Variants in ITCH observed in about 807,000 individuals in gnomAD.
The protein encoded by ITCH is itchy E3 ubiquitin protein ligase, also known as E3 ubiquitin-protein ligase Itchy homolog.
In ITCH, 28 loss-of-function variants were observed where a neutral mutation model predicts 126.8. The observed-to-expected ratio is 0.22, with a 90% CI of 0.16 to 0.30. The LOEUF is 0.30. Ranked by LOEUF, ITCH falls within the 10% of genes least tolerant of loss-of-function variation. The probability of loss-of-function intolerance (pLI) is 1.00; values close to 1 mark genes in which losing one functional copy is unlikely to be tolerated. For missense variants in ITCH, 631 were observed against 1,032.4 expected (o/e 0.61, Z 5.33); for synonymous variants, 342 against 340.0 (o/e 1.01, Z -0.06).
At chr20:34,364,724 C>CAAAAAAAAAAAAAAAA (rs1171765663) in intron 1 of ITCH, among the ~76,000 whole-genome samples, 5 of 45,572 alleles carry the variant, frequency 1.1e-4, no homozygotes, top group African/African-American at 3.6e-4. Flanking sequence ...ACTAAAAATA[C>CAAAAAAAAAAAAAAAA]AAAAAAAAAA....
intron 6 of ITCH, among the ~76,000 whole-genome samples, chr20:34,419,562 A>G (rs2146202811): frequency 6.6e-6 from 1 of 151,474 alleles, no homozygotes; most frequent in African/African-American, 2.4e-5. Flanking sequence ...GCTCACTGCA[A>G]CCTCCTTCCG....
intron 2 of ITCH, among the ~76,000 whole-genome samples, chr20:34,386,058 T>TA (rs2146041906): frequency 6.6e-6 from 1 of 152,282 alleles, no homozygotes; most frequent in Admixed American, 6.5e-5. Flanking sequence ...CTTCTACCAA[T>TA]ACCTTCAGTA....
rs542878306 is a variant in ITCH, at chr20:34,499,935, C to G, written c.2417-4396C>G. 8.5e-5 allele frequency among the ~76,000 whole-genome samples: 13 copies of G among 152,076 alleles called. No individual in the cohort carries two copies. In the East Asian group the frequency reaches 2.3e-3, roughly 27 times the overall value. ...TTTTTAAATTTCCTTTTACATTTCCCCATTGGTCATTCTGGAGCACGTTTA... is the reference window on the plus strand; with the variant it reads ...TTTTTAAATTTCCTTTTACATTTCCGCATTGGTCATTCTGGAGCACGTTTA... On this transcript the variant is annotated intron_variant, in intron 23 of 24. Coordinates refer to ENST00000374864, the MANE Select transcript of ITCH (RefSeq NM_031483.7).
intron 16 of ITCH, chr20:34,475,845 C>T (rs1988165261): frequency 2.6e-6 from 2 of 779,364 alleles, no homozygotes; most frequent in East Asian, 2.7e-5. Flanking sequence ...ATCCACTCAT[C>T]CATGTACTCA....
chr20:34,479,241 C>T (rs1473532720), intron 17 of ITCH, among the ~76,000 whole-genome samples: 1 of 152,154 alleles, frequency 6.6e-6, no homozygotes, highest in African/African-American at 2.4e-5. Flanking sequence ...ACTTTACTCA[C>T]ATGGGTAAAT....
rs1990488421 is a variant in ITCH, at chr20:34,504,413, A to G, written c.2489+10A>G. On this transcript the variant is annotated intron_variant, in intron 24 of 24. Coordinates refer to ENST00000374864, the MANE Select transcript of ITCH (RefSeq NM_031483.7). ...CCAGAAGTCATACCTGGTAAGTACAATCAGAATGGATAGAGAAAACAGCTT... is the reference window on the plus strand; with the variant it reads ...CCAGAAGTCATACCTGGTAAGTACAGTCAGAATGGATAGAGAAAACAGCTT... 1 of 1,561,560 alleles carries G rather than the reference A, an allele frequency of 6.4e-7. No homozygotes were observed. Among genetic ancestry groups the G allele is most frequent in the Admixed American group, 1.7e-5 (1 of 59,942 alleles).
At chr20:34,472,509 A>T (rs1342593410) in intron 16 of ITCH, among the ~76,000 whole-genome samples, 2 of 152,332 alleles carry the variant, frequency 1.3e-5, no homozygotes, top group East Asian at 1.9e-4. Context: ...TAGTGAAAAA[A>T]TGTCTTAAAA....
At chr20:34,459,056 A>G (rs2146362432) in intron 13 of ITCH, among the ~76,000 whole-genome samples, 1 of 152,298 alleles carries the variant, frequency 6.6e-6, no homozygotes, top group Middle Eastern at 3.4e-3. Context: ...CACTTCAGAC[A>G]TCAGCGACAA....
At chr20:34,363,529 C>T (rs1018209475) in intron 1 of ITCH, among the ~76,000 whole-genome samples, 180 bp downstream of exon 1, 1 of 152,092 alleles carries the variant, frequency 6.6e-6, no homozygotes, top group Non-Finnish European at 1.5e-5. Context: ...GGCTACTGGC[C>T]CGGGCCGGGC....
chr20:34,455,711 C>T (rs1294116021), intron 12 of ITCH, among the ~76,000 whole-genome samples: 1 of 151,198 alleles, frequency 6.6e-6, no homozygotes, highest in African/African-American at 2.4e-5. Context: ...CTCCTGAGCT[C>T]AGGCAGTCCG....
Position 34,491,504 on chromosome 20 carries a change from A to G in ITCH, c.2320-997A>G, listed in dbSNP as rs571368193. On this transcript the variant is annotated intron_variant, in intron 22 of 24. Coordinates refer to ENST00000374864, the MANE Select transcript of ITCH (RefSeq NM_031483.7). ...TTGCACAACAGTGTGAATGTACTTA[A>G]TGTCATTGAATTACACTCAAAATGG... 6.6e-5 allele frequency among the ~76,000 whole-genome samples: 10 copies of G among 152,326 alleles called. No individual in the cohort carries two copies. In the East Asian group the frequency reaches 1.9e-3, roughly 29 times the overall value.
At chr20:34,431,883 T>G (rs2146253743) in intron 7 of ITCH, among the ~76,000 whole-genome samples, 1 of 151,886 alleles carries the variant, frequency 6.6e-6, no homozygotes, top group South Asian at 2.1e-4. Flanking sequence ...CTACTAAAAA[T>G]ACAGAAAAAA....
intron 18 of ITCH, among the ~76,000 whole-genome samples, chr20:34,480,394 G>T (rs1447792603): frequency 6.6e-6 from 1 of 151,798 alleles, no homozygotes; most frequent in Non-Finnish European, 1.5e-5. Flanking sequence ...TAGAGATGGG[G>T]TTTCTCCATG....
intron 23 of ITCH, among the ~76,000 whole-genome samples, chr20:34,494,330 G>A (rs987908332): frequency 2.0e-5 from 3 of 152,192 alleles, no homozygotes; most frequent in African/African-American, 7.2e-5. Context: ...GAAGCAATTA[G>A]AAGGAATTTT....
chr20:34,422,879 C>G (rs1240299521), intron 6 of ITCH, among the ~76,000 whole-genome samples: 6 of 152,024 alleles, frequency 3.9e-5, no homozygotes, highest in African/African-American at 1.5e-4. Context: ...ACTGCAACCT[C>G]TGCCTCCCAG....
intron 6 of ITCH, chr20:34,417,232 G>C: frequency 3.1e-6 from 2 of 644,692 alleles, no homozygotes; most frequent in Non-Finnish European, 5.6e-6. Flanking sequence ...GAGTAGCTGG[G>C]TTTACAGGTA....
At chr20:34,443,547 T>C (rs1984047475) in intron 10 of ITCH, among the ~76,000 whole-genome samples, 1 of 152,116 alleles carries the variant, frequency 6.6e-6, no homozygotes, top group Non-Finnish European at 1.5e-5. Context: ...AAAATATTTT[T>C]TAATCCAGAG....
intron 13 of ITCH, 73 bp downstream of exon 13, chr20:34,457,547 A>G (rs981083591): frequency 1.9e-6 from 2 of 1,050,364 alleles, no homozygotes; most frequent in Middle Eastern, 2.0e-4. Flanking sequence ...AAGAAGATCA[A>G]AGTTCATATT....
chr20:34,500,047 A>G (rs1990153670), intron 23 of ITCH, among the ~76,000 whole-genome samples: 1 of 152,154 alleles, frequency 6.6e-6, no homozygotes. Flanking sequence ...TATATTTGAC[A>G]TTATGACTTC....
Sources: allele counts gnomAD v4.1 joint callset (sites outside exome capture counted in the v4.1 genomes callset), GRCh38; gene constraint gnomAD v4.1.1; transcripts MANE v1.5; gene names NCBI Gene and HGNC (gene_info 2026-07-23, HGNC 2026-07-21).